The following PRTG variants were observed in gnomAD, a reference collection of about 807,000 sequenced individuals.
The protein encoded by PRTG is protogenin.
PRTG carries 67 observed loss-of-function variants against 122.5 expected under a neutral mutation model. The observed-to-expected ratio is 0.55, with a 90% confidence interval of 0.45 to 0.67. PRTG has a LOEUF of 0.67. PRTG is among the 30% of genes least tolerant of loss of function. The probability of loss-of-function intolerance (pLI) is 0.00; values close to 1 mark genes in which losing one functional copy is unlikely to be tolerated. For missense variants in PRTG, 1,435 were observed against 1,415.4 expected (o/e 1.01, Z -0.22); for synonymous variants, 554 against 501.1 (o/e 1.11, Z -1.41).
At chr15:55,700,357 G>A (rs142613826) in intron 2 of PRTG, among the ~76,000 whole-genome samples, 66 of 152,224 alleles carry the variant, frequency 4.3e-4, no homozygotes, top group African/African-American at 1.6e-3. Context: ...AAATGTAAAA[G>A]TGTAAAACAT....
intron 2 of PRTG, among the ~76,000 whole-genome samples, chr15:55,684,591 C>G (rs533970902): frequency 1.3e-5 from 2 of 152,210 alleles, no homozygotes; most frequent in South Asian, 4.2e-4. Context: ...AAAGGCATGT[C>G]CTGATATTAG....
chr15:55,620,515 C>G, intron 19 of PRTG, 148 bp downstream of exon 19: 1 of 1,243,380 alleles, frequency 8.0e-7, no homozygotes, highest in Admixed American at 3.6e-5. Context: ...ACCTCGCTCT[C>G]CACAGAGCCA....
chr15:55,642,864 A>C lies in PRTG; in HGVS notation c.2042-1656T>G, dbSNP rs541673109. On this transcript the variant is annotated intron_variant, in intron 11 of 19. Coordinates refer to ENST00000389286, the MANE Select transcript of PRTG (RefSeq NM_173814.6). The stretch of plus-strand genomic sequence containing the variant: ...ACTACTTTGGGAAGTAGAGGACAGG[A>C]GTTTAAGACTAGCCTGGGCAATATA... Among the ~76,000 whole-genome samples, 288 of 152,282 alleles carry C rather than the reference A, an allele frequency of 1.9e-3. 3 individuals carry two copies. The highest frequency in any genetic ancestry group is 3.2e-3 in the Non-Finnish European group (218 of 68,020).
At position 55,612,873 on chromosome 15, in the gene PRTG, A is replaced by T. The variant is rs1334847634; in HGVS notation, c.*7139T>A. 6.6e-6 allele frequency: 1 copy of T among 151,548 alleles called. No individual in the cohort carries two copies. Among genetic ancestry groups the T allele is most frequent in the Non-Finnish European group, 1.5e-5 (1 of 67,856 alleles). 9.4% of individuals were successfully genotyped at this position (151,548 alleles called of 1,614,324 possible). On this transcript the variant is annotated 3_prime_UTR_variant, in exon 20 of 20. Transcript: ENST00000389286. ...TTCCATTTCAGCTATATCTTTTACC[A>T]ACCACTTTCTTCTATTGGTTTTGTG... is the stretch of plus-strand genomic sequence containing the variant.
chr15:55,720,776 G>A (rs1363117249), intron 2 of PRTG, among the ~76,000 whole-genome samples: 5 of 152,104 alleles, frequency 3.3e-5, no homozygotes, highest in African/African-American at 7.2e-5. Flanking sequence ...CATAAAACAC[G>A]CTAACACTAA....
At chr15:55,730,327 G>T (rs1450702853) in intron 2 of PRTG, among the ~76,000 whole-genome samples, 4 of 152,004 alleles carry the variant, frequency 2.6e-5, no homozygotes, top group Non-Finnish European at 4.4e-5. Context: ...GTCTTGAACT[G>T]CTGACCGACA....
At chr15:55,678,873 T>C (rs1001036338) in intron 7 of PRTG, among the ~76,000 whole-genome samples, 2 of 152,200 alleles carry the variant, frequency 1.3e-5, no homozygotes, top group Non-Finnish European at 2.9e-5. Context: ...CTAATAAAAA[T>C]GAATTATTAA....
intron 11 of PRTG, among the ~76,000 whole-genome samples, chr15:55,657,955 T>C (rs2059389341): frequency 6.6e-6 from 1 of 152,248 alleles, no homozygotes; most frequent in Admixed American, 6.5e-5. Flanking sequence ...CACACGGAGA[T>C]AAACACTGTG....
At chr15:55,714,429 CTA>C (rs1245516258) in intron 2 of PRTG, among the ~76,000 whole-genome samples, 1 of 150,894 alleles carries the variant, frequency 6.6e-6, no homozygotes, top group Non-Finnish European at 1.5e-5. Flanking sequence ...GGAGGTGTCA[CTA>C]TGTTGTTCAG....
intron 2 of PRTG, among the ~76,000 whole-genome samples, chr15:55,693,767 T>C (rs559050628): frequency 4.6e-5 from 7 of 152,292 alleles, no homozygotes; most frequent in African/African-American, 1.4e-4. Context: ...TACATATACA[T>C]ATGTGTACCC....
At position 55,682,377 on chromosome 15, in the gene PRTG, T is replaced by C. The variant is rs780440714; in HGVS notation, c.663A>G (p.Leu221=). The change falls in exon 4 of 20, where the codon CTA becomes CTG. Residue 221 remains leucine, a synonymous_variant. Coordinates refer to ENST00000389286, the MANE Select transcript of PRTG (RefSeq NM_173814.6). ...AHRRKSMEAS[L]TVIPAKESKS... is the part of the protein sequence containing the mutation. ...TCTGCGTGGTACCTGGAATCACAGT[T>C]AGCGAGGCCTCCATACTTTTACGTC... 6.3e-7 allele frequency: 1 copy of C among 1,597,906 alleles called. No homozygotes were observed.
Position 55,679,299 on chromosome 15 carries a change from T to G in PRTG, c.1120A>C (p.Lys374Gln). 1.2e-6 allele frequency: 2 copies of G among 1,611,844 alleles called. No individual in the cohort carries two copies. Among genetic ancestry groups the G allele is most frequent in the South Asian group, 2.2e-5 (2 of 90,990 alleles). Reference protein sequence around the residue: ...GRKIHSNGRIKMYNSKLVINQ... With the variant: ...GRKIHSNGRIQMYNSKLVINQ... The stretch of plus-strand genomic sequence containing the variant: ...TACACAGCCTACCTGTTGTACATTT[T>G]AATTCTACCATTCGAATGTATCTTC... The change falls in exon 7 of 20, where the codon AAA becomes CAA. Residue 374 changes from lysine to glutamine, a missense_variant. Coordinates refer to ENST00000389286, the MANE Select transcript of PRTG (RefSeq NM_173814.6).
chr15:55,641,057 G>C, intron 12 of PRTG, 56 bp downstream of exon 12: 1 of 1,163,422 alleles, frequency 8.6e-7, no homozygotes, highest in Non-Finnish European at 1.3e-6. Context: ...AAAGGAGGAG[G>C]AGGAGAAAGA....
chr15:55,736,441 A>G (rs1192163801), intron 2 of PRTG, among the ~76,000 whole-genome samples: 1 of 151,968 alleles, frequency 6.6e-6, no homozygotes, highest in Non-Finnish European at 1.5e-5. Flanking sequence ...TTCACATTTC[A>G]AAGACTTGGT....
chr15:55,671,208 G>T (rs567561570), intron 11 of PRTG, among the ~76,000 whole-genome samples: 1 of 152,172 alleles, frequency 6.6e-6, no homozygotes, highest in Non-Finnish European at 1.5e-5. Context: ...GCTACCATGA[G>T]TCCAGGGAAG....
At chr15:55,709,982 A>C (rs1220798987) in intron 2 of PRTG, among the ~76,000 whole-genome samples, 2 of 152,242 alleles carry the variant, frequency 1.3e-5, no homozygotes, top group African/African-American at 4.8e-5. Context: ...AAATATGTGC[A>C]GTTTATTGTG....
chr15:55,611,578 G>A lies in PRTG; in HGVS notation c.*8434C>T, dbSNP rs2059120618. On this transcript the variant is annotated 3_prime_UTR_variant, in exon 20 of 20. Coordinates refer to ENST00000389286, the MANE Select transcript of PRTG (RefSeq NM_173814.6). ...ACTAAGGAAAGCTTTTATTTAAATT[G>A]TGCAATCAATCAGTATTTAGACAGC... The A allele has an allele frequency of 6.6e-6, 1 of 151,984 alleles. No individual in the cohort carries two copies. The highest frequency in any genetic ancestry group is 1.5e-5 in the Non-Finnish European group (1 of 67,986). The allele number at this position is 151,984 out of a possible 1,614,324, so 9.4% of individuals were successfully genotyped here.
chr15:55,725,257 G>C (rs889331614), intron 2 of PRTG, among the ~76,000 whole-genome samples: 1 of 151,884 alleles, frequency 6.6e-6, no homozygotes, highest in African/African-American at 2.4e-5. Flanking sequence ...TAATTCCTGT[G>C]GTAACAACAC....
chr15:55,684,731 T>TA (rs1567099047), intron 2 of PRTG, among the ~76,000 whole-genome samples: 1 of 152,136 alleles, frequency 6.6e-6, no homozygotes, highest in Non-Finnish European at 1.5e-5. Context: ...AGCGATATCT[T>TA]AAAGAAAACA....
Sources: gnomAD v4.1 joint callset for allele counts (sites outside exome capture counted in the v4.1 genomes callset) on GRCh38, gnomAD v4.1.1 for gene constraint, MANE v1.5 for transcripts, NCBI Gene and HGNC (gene_info 2026-07-23, HGNC 2026-07-21) for gene names.